The following FAT3 variants were observed in gnomAD, a reference collection of about 807,000 sequenced individuals.
FAT3 encodes the protein FAT atypical cadherin 3.
Under a neutral mutation model 310.2 loss-of-function variants are expected in FAT3, and 95 were observed. The observed-to-expected ratio is 0.31, with a 90% CI of 0.26 to 0.36. The LOEUF is 0.36. Ranked by LOEUF, FAT3 falls within the 10% of genes least tolerant of loss-of-function variation. The probability of loss-of-function intolerance (pLI) is 1.00; values close to 1 mark genes in which losing one functional copy is unlikely to be tolerated. For missense variants in FAT3, 5,408 were observed against 5,715.6 expected, an observed-to-expected ratio of 0.95 and a Z score of 1.74; for synonymous variants, 2,314 against 2,192.9, an observed-to-expected ratio of 1.06 and a Z score of -1.54.
chr11:92,661,016 A>G (rs974089952), intron 3 of FAT3, among the ~76,000 whole-genome samples: 3 of 152,222 alleles, frequency 2.0e-5, no homozygotes, highest in Non-Finnish European at 4.4e-5. Context: ...CTACATCTAC[A>G]CATAAGTATT....
chr11:92,826,645 C>G (rs1194758488), intron 13 of FAT3, among the ~76,000 whole-genome samples: 1 of 152,134 alleles, frequency 6.6e-6, no homozygotes, highest in East Asian at 1.9e-4. Flanking sequence ...GATTAGAACC[C>G]ACATTAAAAG....
chr11:92,417,748 A>T (rs1950446790), intron 2 of FAT3, among the ~76,000 whole-genome samples: 1 of 151,814 alleles, frequency 6.6e-6, no homozygotes, highest in Admixed American at 6.6e-5. Context: ...AAAATTGACT[A>T]ACCAAACATT....
At chr11:92,701,183 C>G (rs976335290) in intron 4 of FAT3, among the ~76,000 whole-genome samples, 2 of 152,168 alleles carry the variant, frequency 1.3e-5, no homozygotes, top group African/African-American at 4.8e-5. Context: ...AAAATTGACT[C>G]TTCTTGAAAG....
chr11:92,682,268 A>T (rs184004026), intron 3 of FAT3, among the ~76,000 whole-genome samples: 2 of 152,344 alleles, frequency 1.3e-5, no homozygotes, highest in East Asian at 3.9e-4. Context: ...CATGTAAAGT[A>T]CTCAGCATAC....
intron 17 of FAT3, among the ~76,000 whole-genome samples, chr11:92,839,538 C>A (rs1004038514): frequency 6.6e-6 from 1 of 152,148 alleles, no homozygotes; most frequent in African/African-American, 2.4e-5. Flanking sequence ...TCCTTTTTCC[C>A]AACCCTGAAT....
At chr11:92,727,497 T>A (rs1945034550) in intron 4 of FAT3, among the ~76,000 whole-genome samples, 1 of 152,164 alleles carries the variant, frequency 6.6e-6, no homozygotes, top group Admixed American at 6.5e-5. Context: ...ACCTGGTAGA[T>A]AACCTTTTAT....
chr11:92,816,466 A>G (rs935412418), intron 13 of FAT3, among the ~76,000 whole-genome samples: 2 of 152,186 alleles, frequency 1.3e-5, no homozygotes, highest in African/African-American at 4.8e-5. Flanking sequence ...TCCACTGCCC[A>G]GAAGGAGTCC....
chr11:92,879,306 C>G (rs571242806), intron 22 of FAT3, among the ~76,000 whole-genome samples: 2 of 152,192 alleles, frequency 1.3e-5, no homozygotes, highest in East Asian at 1.9e-4. Context: ...ACAGGTGATA[C>G]AGGAATCACC....
At chr11:92,855,088 A>G (rs994412477) in intron 19 of FAT3, among the ~76,000 whole-genome samples, 1 of 152,196 alleles carries the variant, frequency 6.6e-6, no homozygotes, top group African/African-American at 2.4e-5. Flanking sequence ...ATTGGGCTCA[A>G]TTTGCATTTT....
chr11:92,244,228 C>T lies in FAT3; in HGVS notation c.-18+19054C>T, dbSNP rs145727828. Among the ~76,000 whole-genome samples the T allele has an allele frequency of 3.2e-3, 494 of 152,092 alleles. 1 individual carries two copies. Among genetic ancestry groups the T allele is most frequent in the Non-Finnish European group, 6.0e-3 (410 of 67,964 alleles). ...TTTACTGTGTTTATGTCATTGGTTCCCTGGCTGAACTTTGTGCTTCTTTTG... is the reference window on the plus strand; with the variant it reads ...TTTACTGTGTTTATGTCATTGGTTCTCTGGCTGAACTTTGTGCTTCTTTTG... On this transcript the variant is annotated intron_variant, in intron 1 of 27. Coordinates refer to ENST00000525166, the MANE Select transcript of FAT3 (RefSeq NM_001367949.2).
chr11:92,505,786 G>T (rs573929494), intron 2 of FAT3, among the ~76,000 whole-genome samples: 1 of 152,104 alleles, frequency 6.6e-6, no homozygotes, highest in Admixed American at 6.6e-5. Context: ...ACAGTCAGGA[G>T]TCAAAGCCCC....
intron 2 of FAT3, among the ~76,000 whole-genome samples, chr11:92,435,468 ATCCTTCCTTCCT>A (rs371109407): frequency 0.01 from 1,094 of 108,026 alleles, 14 homozygotes; most frequent in African/African-American, 0.028. Flanking sequence ...TCTTTTATTT[ATCCTTCCTTCCT>A]TCCTTCCTTC....
chr11:92,823,079 G>A (rs1948012440), intron 13 of FAT3, among the ~76,000 whole-genome samples: 1 of 152,142 alleles, frequency 6.6e-6, no homozygotes. Flanking sequence ...AGAAATGAGA[G>A]CCGTTTGAGA....
chr11:92,452,624 A>G (rs1951390293), intron 2 of FAT3, among the ~76,000 whole-genome samples: 1 of 152,188 alleles, frequency 6.6e-6, no homozygotes, highest in African/African-American at 2.4e-5. Context: ...TTGTGACCTT[A>G]TATACCGTGA....
intron 4 of FAT3, among the ~76,000 whole-genome samples, chr11:92,738,970 T>C (rs533413959): frequency 2.6e-5 from 4 of 152,274 alleles, no homozygotes; most frequent in South Asian, 4.1e-4. Flanking sequence ...TACTGAAGAC[T>C]CAGAACATGA....
intron 2 of FAT3, among the ~76,000 whole-genome samples, chr11:92,383,175 A>G (rs1488766268): frequency 6.6e-6 from 1 of 152,100 alleles, no homozygotes; most frequent in Non-Finnish European, 1.5e-5. Flanking sequence ...ATCTCGTTCC[A>G]TTTTATGGCT....
At chr11:92,499,956 GC>G (rs1952888319) in intron 2 of FAT3, among the ~76,000 whole-genome samples, 1 of 151,968 alleles carries the variant, frequency 6.6e-6, no homozygotes, top group African/African-American at 2.4e-5. Context: ...GGGTCTGATA[GC>G]TATAGAAATT....
At chr11:92,315,477 GTGTATA>G (rs1277774817) in intron 1 of FAT3, among the ~76,000 whole-genome samples, 126 of 81,548 alleles carry the variant, frequency 1.5e-3, no homozygotes, top group African/African-American at 5.7e-3. Context: ...GTGTGTGTGT[GTGTATA>G]TATATATATA....
rs1648317656 is a variant in FAT3, at chr11:92,413,412, G to A, written c.3292+58008G>A. ...ACATGTTGAGTATTCTGTCTCATAT[G>A]TACCTTTTAATCATCATGATCATTT... On this transcript the variant is annotated intron_variant, in intron 2 of 27. Coordinates refer to ENST00000525166, the MANE Select transcript of FAT3 (RefSeq NM_001367949.2). Among the ~76,000 whole-genome samples the A allele has an allele frequency of 2.0e-5, 3 of 152,138 alleles. No homozygotes were observed. In the South Asian group the frequency reaches 6.2e-4, roughly 31 times the overall value.
Sources: allele counts gnomAD v4.1 joint callset (sites outside exome capture counted in the v4.1 genomes callset), GRCh38; gene constraint gnomAD v4.1.1; transcripts MANE v1.5; gene names NCBI Gene and HGNC (gene_info 2026-07-23, HGNC 2026-07-21).